Variants in PPIG observed in about 807,000 individuals in gnomAD.
PPIG encodes peptidylprolyl isomerase G.
In PPIG, 26 loss-of-function variants were observed where a neutral mutation model predicts 87.9. That is an observed-to-expected ratio of 0.30 (90% confidence interval 0.22 to 0.41). The LOEUF is 0.41. PPIG is among the 10% of genes least tolerant of loss of function. The pLI, the probability that PPIG is intolerant of heterozygous loss-of-function variation, is 1.00. For missense variants in PPIG, 722 were observed against 879.4 expected, an observed-to-expected ratio of 0.82 and a Z score of 2.26; for synonymous variants, 308 against 276.5, an observed-to-expected ratio of 1.11 and a Z score of -1.13.
chr2:169,605,992 A>T (rs1226717737), intron 4 of PPIG, 47 bp from the exon 5 acceptor site: 1 of 1,372,630 alleles, frequency 7.3e-7, no homozygotes, highest in East Asian at 2.3e-5. Flanking sequence ...CTTTCATACT[A>T]CTTTGATTTC....
intron 1 of PPIG, among the ~76,000 whole-genome samples, chr2:169,591,799 A>G (rs1490413139): frequency 1.3e-5 from 2 of 152,010 alleles, no homozygotes; most frequent in African/African-American, 2.4e-5. Flanking sequence ...TTTTCCAAGA[A>G]AAATTTGTCT....
rs1553542345 is a variant in PPIG at position 169,585,270 on chromosome 2, C to CTTTTTTTTTTTTTTTTTTTTTTT, written c.-70+789_-70+790insTTTTTTTTTTTTTTTTTTTTTTT. Among the ~76,000 whole-genome samples, 2 of 118,758 alleles carry CTTTTTTTTTTTTTTTTTTTTTTT rather than the reference C, an allele frequency of 1.7e-5. 1 individual carries two copies. The highest frequency in any genetic ancestry group is 3.4e-5 in the Non-Finnish European group (2 of 59,556). 77.9% of individuals were successfully genotyped at this position (118,758 alleles called of 152,430 possible). On this transcript the variant is annotated intron_variant, in intron 1 of 13. Transcript: ENST00000260970. ...TATGCTAATTTGGTTCTTGGTTAGTCTTTTTTTTTGAGACGGAGTCTCGCT... is the reference window on the plus strand; with the variant it reads ...TATGCTAATTTGGTTCTTGGTTAGTCTTTTTTTTTTTTTTTTTTTTTTTTTTTTTTTTGAGACGGAGTCTCGCT...
intron 1 of PPIG, among the ~76,000 whole-genome samples, chr2:169,590,947 C>T (rs1265125737): frequency 4.6e-5 from 7 of 152,168 alleles, no homozygotes; most frequent in East Asian, 1.9e-4. Context: ...TTCCAGGCTG[C>T]GGTGAGCTGT....
intron 1 of PPIG, among the ~76,000 whole-genome samples, chr2:169,590,001 C>T (rs969102115): frequency 6.6e-6 from 1 of 151,676 alleles, no homozygotes; most frequent in African/African-American, 2.4e-5. Flanking sequence ...CCCAGCTACT[C>T]GGGAGGCTGA....
intron 1 of PPIG, among the ~76,000 whole-genome samples, chr2:169,585,680 C>T (rs929058784): frequency 2.6e-5 from 4 of 152,134 alleles, no homozygotes; most frequent in Admixed American, 1.3e-4. Flanking sequence ...TCCACGATAG[C>T]CCTTTCTGTG....
chr2:169,604,130 T>C (rs1341232174), intron 3 of PPIG, 28 bp downstream of exon 3: 1 of 1,607,654 alleles, frequency 6.2e-7, no homozygotes, highest in Non-Finnish European at 8.5e-7. Context: ...CATTTATAAA[T>C]GGGTGTTTAA....
rs766259080 is a variant in PPIG, at chr2:169,637,482, C to G, written c.2224C>G (p.His742Asp). 6.2e-6 allele frequency: 10 copies of G among 1,603,050 alleles called. No homozygotes were observed. The Admixed American group carries it at 1.6e-4, about 25-fold the overall frequency. Reference protein sequence around the residue: ...HVHEKNKKFDHESSPGTDEDK... With the variant: ...HVHEKNKKFDDESSPGTDEDK... ...ACATGAAAAAAATAAAAAATTTGATCATGAATCAAGCCCTGGAACAGATGA... is the reference window on the plus strand; with the variant it reads ...ACATGAAAAAAATAAAAAATTTGATGATGAATCAAGCCCTGGAACAGATGA... Residue 742 changes from histidine to aspartate, a missense_variant, in exon 14 of 14, where the codon CAT (histidine) becomes GAT (aspartate). Around this residue, in one of 4 missense-constraint regions of PPIG, gnomAD observed 476 missense variants for 483.1 expected, o/e 0.99. Coordinates refer to ENST00000260970, the MANE Select transcript of PPIG (RefSeq NM_004792.3).
chr2:169,630,631 C>T, intron 9 of PPIG, 143 bp from the exon 10 acceptor site: 1 of 680,120 alleles, frequency 1.5e-6, no homozygotes, highest in South Asian at 2.0e-5. Flanking sequence ...GTCTTGACTC[C>T]TTTCCTGTAC....
intron 1 of PPIG, among the ~76,000 whole-genome samples, chr2:169,585,806 A>G (rs1293542063): frequency 6.6e-6 from 1 of 152,142 alleles, no homozygotes; most frequent in Non-Finnish European, 1.5e-5. Context: ...GGGGGGCCTG[A>G]TATTAACTTT....
intron 1 of PPIG, among the ~76,000 whole-genome samples, chr2:169,590,704 C>G (rs1047755518): frequency 2.0e-5 from 3 of 152,138 alleles, no homozygotes; most frequent in Non-Finnish European, 2.9e-5. Flanking sequence ...AGAGTGAACT[C>G]TGGCTAACTA....
chr2:169,596,943 C>G (rs1439689984), intron 1 of PPIG, among the ~76,000 whole-genome samples: 1 of 152,192 alleles, frequency 6.6e-6, no homozygotes, highest in Admixed American at 6.5e-5. Flanking sequence ...CTCAGGTAAT[C>G]TGCCCACCTT....
rs1686260735 is a variant in PPIG, at chr2:169,639,329, A to T, written c.*1806A>T. 1 of 152,120 alleles carries T rather than the reference A, an allele frequency of 6.6e-6. No individual in the cohort carries two copies. Among genetic ancestry groups the T allele is most frequent in the Non-Finnish European group, 1.5e-5 (1 of 67,970 alleles). 9.4% of individuals were successfully genotyped at this position (152,120 alleles called of 1,614,324 possible). Reference sequence around the variant, plus strand: ...GCAAGTTATTGTTTGTCTTAATTTCAGTTAACTGCATTTTAAAATTGTTGT... The same window carrying T: ...GCAAGTTATTGTTTGTCTTAATTTCTGTTAACTGCATTTTAAAATTGTTGT... On this transcript the variant is annotated 3_prime_UTR_variant, in exon 14 of 14. Transcript: ENST00000260970.
intron 9 of PPIG, among the ~76,000 whole-genome samples, chr2:169,621,939 A>T (rs977499329): frequency 1.6e-5 from 2 of 121,982 alleles, no homozygotes; most frequent in Non-Finnish European, 3.5e-5. Flanking sequence ...AAAAAAAAAA[A>T]AAATTTTTTT....
At chr2:169,588,958 CAAAAAAAAAA>C (rs549776875) in intron 1 of PPIG, among the ~76,000 whole-genome samples, 1 of 68,396 alleles carries the variant, frequency 1.5e-5, no homozygotes, top group African/African-American at 4.9e-5. Context: ...AACTCCCTCT[CAAAAAAAAAA>C]AAAAAAAAAA....
intron 1 of PPIG, among the ~76,000 whole-genome samples, chr2:169,603,300 C>T (rs913418356): frequency 2.0e-5 from 3 of 151,884 alleles, no homozygotes; most frequent in South Asian, 2.1e-4. Context: ...AATAAAATGC[C>T]TTATCAAAAT....
chr2:169,592,555 C>T (rs542033918), intron 1 of PPIG, among the ~76,000 whole-genome samples: 10 of 152,142 alleles, frequency 6.6e-5, no homozygotes, highest in African/African-American at 1.2e-4. Flanking sequence ...CCGCACGCCT[C>T]GGCCTCCCAG....
intron 2 of PPIG, 49 bp downstream of exon 2, chr2:169,603,743 C>G: frequency 3.1e-6 from 1 of 324,402 alleles, no homozygotes. Context: ...ATACAATTTT[C>G]TGTTTGAGCT....
chr2:169,632,747 A>AAAT (rs60752395), intron 11 of PPIG, among the ~76,000 whole-genome samples: 33 of 149,480 alleles, frequency 2.2e-4, no homozygotes, highest in African/African-American at 3.4e-4. Context: ...TCCGTCTCAA[A>AAAT]AATAATAATA....
At chr2:169,588,438 A>C (rs979817050) in intron 1 of PPIG, among the ~76,000 whole-genome samples, 2 of 152,130 alleles carry the variant, frequency 1.3e-5, no homozygotes, top group Admixed American at 6.6e-5. Flanking sequence ...AGCTTGAGCC[A>C]CTCATTTCAT....
Sources: allele counts gnomAD v4.1 joint callset (sites outside exome capture counted in the v4.1 genomes callset), GRCh38; gene constraint gnomAD v4.1.1; regional missense constraint gnomAD v4.1.1; transcripts MANE v1.5; gene names NCBI Gene and HGNC (gene_info 2026-07-23, HGNC 2026-07-21).